The following PHKA1 variants were observed in gnomAD, a reference collection of about 807,000 sequenced individuals.
The protein encoded by PHKA1 is phosphorylase b kinase regulatory subunit alpha, skeletal muscle isoform.
A neutral mutation model predicts 110.2 loss-of-function variants in PHKA1; 60 were observed. The ratio of observed to expected loss-of-function variants is 0.54; its 90% CI spans 0.44 to 0.68. PHKA1 has a LOEUF of 0.68. Among genes scored for constraint, PHKA1 ranks in the 30% least tolerant of loss-of-function variants. The probability of loss-of-function intolerance (pLI) is 0.00; values close to 1 mark genes in which losing one functional copy is unlikely to be tolerated. For synonymous variants in PHKA1, 316 were observed against 333.6 expected, an observed-to-expected ratio of 0.95 and a Z score of 0.58; for missense variants, 801 against 942.5, an observed-to-expected ratio of 0.85 and a Z score of 1.97.
At chrX:72,599,569 A>C (rs1486761911) in intron 28 of PHKA1, among the ~76,000 whole-genome samples, 1 of 112,153 alleles carries the variant, frequency 8.9e-6, no homozygotes, top group Non-Finnish European at 1.9e-5. Context: ...CCAAGAATTT[A>C]TACTTAACCA....
At chrX:72,631,914 A>C (rs1392809595) in intron 16 of PHKA1, among the ~76,000 whole-genome samples, 1 of 112,131 alleles carries the variant, frequency 8.9e-6, no homozygotes, top group African/African-American at 3.2e-5. Context: ...ATTTTGACCA[A>C]ATCTCATAAA....
intron 5 of PHKA1, among the ~76,000 whole-genome samples, chrX:72,678,375 A>G (rs1278604290): frequency 8.9e-6 from 1 of 111,964 alleles, no homozygotes; most frequent in Non-Finnish European, 1.9e-5. Context: ...TCTACCTTTA[A>G]TTACTTTTCA....
At chrX:72,678,335 C>T (rs931746800) in intron 5 of PHKA1, among the ~76,000 whole-genome samples, 1 of 111,562 alleles carries the variant, frequency 9.0e-6, no homozygotes, top group African/African-American at 3.3e-5. Flanking sequence ...CACAAACACA[C>T]ACCCTCCCAC....
At chrX:72,689,712 T>C (rs782229799) in intron 4 of PHKA1, among the ~76,000 whole-genome samples, 10 of 112,128 alleles carry the variant, frequency 8.9e-5, no homozygotes, top group African/African-American at 3.2e-4. Context: ...TTTTCATTTC[T>C]CTTGGGTATA....
chrX:72,625,191 C>CT (rs1556282013), intron 17 of PHKA1, among the ~76,000 whole-genome samples: 3 of 111,602 alleles, frequency 2.7e-5, no homozygotes. Flanking sequence ...GGTGTACAAA[C>CT]TATTTCATCA....
chrX:72,695,678 G>A (rs1182457610), intron 4 of PHKA1, 30 bp downstream of exon 4: 15 of 1,200,101 alleles, frequency 1.2e-5, no homozygotes, highest in Non-Finnish European at 1.7e-5. Context: ...CATGCTCAGG[G>A]GCTCCCAGCA....
intron 29 of PHKA1, among the ~76,000 whole-genome samples, chrX:72,587,057 A>T (rs1228004089): frequency 1.8e-5 from 2 of 111,144 alleles, no homozygotes; most frequent in Non-Finnish European, 3.8e-5. Context: ...GCAGGCCAAC[A>T]TTCAAATTCA....
chrX:72,656,521 T>C (rs1162769852), intron 9 of PHKA1, among the ~76,000 whole-genome samples: 1 of 112,371 alleles, frequency 8.9e-6, no homozygotes, highest in African/African-American at 3.2e-5. Flanking sequence ...TTTTTTGTAA[T>C]AATAGGACAT....
At chrX:72,588,327 A>G (rs1044732228) in intron 29 of PHKA1, among the ~76,000 whole-genome samples, 3 of 112,206 alleles carry the variant, frequency 2.7e-5, no homozygotes, top group African/African-American at 9.7e-5. Flanking sequence ...TCCTGAATGA[A>G]TACTGGGTAC....
At chrX:72,625,731 T>A (rs895638519) in intron 17 of PHKA1, among the ~76,000 whole-genome samples, 20 of 111,986 alleles carry the variant, frequency 1.8e-4, no homozygotes, top group African/African-American at 6.5e-4. Context: ...AGTGGCACAA[T>A]CCTGGCTCAC....
Position 72,627,030 on chromosome X carries a change from C to G in PHKA1, c.1734G>C (p.Leu578Phe). 1.7e-6 allele frequency: 2 copies of G among 1,207,300 alleles called. No homozygotes were observed. The highest frequency in any genetic ancestry group is 3.5e-5 in the African/African-American group (2 of 57,766). ...HSMLDEDGTS[L>F]NSSILAALRK... is the part of the protein sequence containing the mutation. ...GGAGTGCTGCCAGGATACTTGAATTCAAGCTTGTTCCATCTTCATCTTGAA... is the reference window on the plus strand; with the variant it reads ...GGAGTGCTGCCAGGATACTTGAATTGAAGCTTGTTCCATCTTCATCTTGAA... Residue 578 changes from leucine to phenylalanine, a missense_variant, in exon 17 of 32, where the codon TTG (leucine) becomes TTC (phenylalanine). Around this residue, in one of 2 missense-constraint regions of PHKA1, gnomAD observed 502 missense variants for 519.2 expected, o/e 0.97. Transcript: ENST00000373542.
At chrX:72,672,058 G>A (rs2053710761) in intron 6 of PHKA1, among the ~76,000 whole-genome samples, 1 of 112,336 alleles carries the variant, frequency 8.9e-6, no homozygotes, top group Admixed American at 9.4e-5. Flanking sequence ...GGTGGAAACT[G>A]TCATGCTTCT....
In PHKA1 at chrX:72,609,722, ATAT is replaced by A. The variant is rs782795501; in HGVS notation, c.2527-22_2527-20del. On this transcript the variant is annotated intron_variant, in intron 22 of 31. Coordinates refer to ENST00000373542, the MANE Select transcript of PHKA1 (RefSeq NM_002637.4). The stretch of plus-strand genomic sequence containing the variant: ...TGCAGGCCTAACAAGAGATAGCATA[ATAT>A]TATCGTTTCTGTAACACCTCAGGTT... 12 of 1,121,310 alleles carry A rather than the reference ATAT, an allele frequency of 1.1e-5. No homozygotes were observed. The highest frequency in any genetic ancestry group is 1.5e-5 in the Non-Finnish European group (12 of 813,300). 92.4% of individuals were successfully genotyped at this position (1,121,310 alleles called of 1,213,427 possible).
chrX:72,584,157 TG>T, intron 30 of PHKA1, 91 bp downstream of exon 30: 1 of 729,357 alleles, frequency 1.4e-6, no homozygotes, highest in Non-Finnish European at 2.2e-6. Flanking sequence ...TATAAAAGCA[TG>T]GATCTGTCAC....
At chrX:72,601,913 A>G (rs2052662190) in intron 28 of PHKA1, 78 bp downstream of exon 28, 1 of 718,379 alleles carries the variant, frequency 1.4e-6, no homozygotes, top group African/African-American at 2.1e-5. Flanking sequence ...CTTATTTGTA[A>G]AAAGGCCATG....
At chrX:72,653,395 C>T (rs782025765) in intron 11 of PHKA1, 40 bp downstream of exon 11, 3 of 882,207 alleles carry the variant, frequency 3.4e-6, no homozygotes, top group Non-Finnish European at 5.0e-6. Flanking sequence ...TACTGCTCCT[C>T]TTCTCTATCA....
At chrX:72,593,762 A>G (rs2052555304) in intron 28 of PHKA1, among the ~76,000 whole-genome samples, 1 of 112,904 alleles carries the variant, frequency 8.9e-6, no homozygotes, top group South Asian at 3.6e-4. Flanking sequence ...TGTAGCTAGC[A>G]GTGCTGTACG....
At chrX:72,666,322 T>C (rs1431962998) in intron 7 of PHKA1, 25 bp from the exon 8 acceptor site, 1 of 1,168,800 alleles carries the variant, frequency 8.6e-7, no homozygotes, top group Non-Finnish European at 1.2e-6. Context: ...GTTAAGTTTA[T>C]ATAAAAGGAT....
chrX:72,602,070 C>A (rs1556243852), intron 27 of PHKA1, 41 bp from the exon 28 acceptor site: 4 of 1,129,779 alleles, frequency 3.5e-6, no homozygotes, highest in Non-Finnish European at 4.9e-6. Flanking sequence ...GAATGTGAAA[C>A]AAAATAAATG....
Sources: gnomAD v4.1 joint callset for allele counts (sites outside exome capture counted in the v4.1 genomes callset) on GRCh38, gnomAD v4.1.1 for gene constraint, gnomAD v4.1.1 regional missense constraint, MANE v1.5 for transcripts, NCBI Gene and HGNC (gene_info 2026-07-23, HGNC 2026-07-21) for gene names.